Variants in HACE1 observed in about 807,000 individuals in gnomAD.
HACE1 encodes the protein HECT domain and ankyrin repeat containing E3 ubiquitin protein ligase 1.
In HACE1, 73 loss-of-function variants were observed where a neutral mutation model predicts 118.4. The ratio of observed to expected loss-of-function variants is 0.62; its 90% CI spans 0.51 to 0.75. HACE1 has a LOEUF of 0.75. Among genes scored for constraint, HACE1 ranks in the 30% least tolerant of loss-of-function variants. The pLI, the probability that HACE1 is intolerant of heterozygous loss-of-function variation, is 0.00. For synonymous variants in HACE1, 368 were observed against 374.8 expected, an observed-to-expected ratio of 0.98 and a Z score of 0.21; for missense variants, 749 against 1,102.2, an observed-to-expected ratio of 0.68 and a Z score of 4.54.
chr6:104,802,870 G>A (rs1770536620), intron 7 of HACE1, among the ~76,000 whole-genome samples: 1 of 152,132 alleles, frequency 6.6e-6, no homozygotes, highest in Non-Finnish European at 1.5e-5. Flanking sequence ...GATCAGAGCA[G>A]AACTGAAGGA....
In HACE1 at chr6:104,823,497, C is replaced by T. The variant is rs555642759; in HGVS notation, c.534+9545G>A. On this transcript the variant is annotated intron_variant, in intron 6 of 23. Coordinates refer to ENST00000262903, the MANE Select transcript of HACE1 (RefSeq NM_020771.4). ...TATTTTCCATTCATAAATCTTTCTA[C>T]TTTTCTATTTTTTTAAAAAAAACAG... 4.0e-4 allele frequency among the ~76,000 whole-genome samples: 51 copies of T among 126,014 alleles called. 1 individual carries two copies. The highest frequency in any genetic ancestry group is 1.3e-3 in the African/African-American group (51 of 39,624). 82.7% of individuals were successfully genotyped at this position (126,014 alleles called of 152,430 possible).
At chr6:104,803,068 A>G (rs982853831) in intron 7 of HACE1, among the ~76,000 whole-genome samples, 7 of 152,236 alleles carry the variant, frequency 4.6e-5, no homozygotes, top group African/African-American at 7.2e-5. Flanking sequence ...AACTACCATC[A>G]GAGAATACTA....
In HACE1 at chr6:104,751,895, TTC is replaced by T. The variant is rs1491032969; in HGVS notation, c.2212-1425_2212-1424del. Among the ~76,000 whole-genome samples the T allele has an allele frequency of 2.1e-4, 30 of 139,684 alleles. 1 individual carries two copies. Among genetic ancestry groups the T allele is most frequent in the African/African-American group, 5.4e-4 (19 of 35,306 alleles). 91.6% of individuals were successfully genotyped at this position (139,684 alleles called of 152,430 possible). On this transcript the variant is annotated intron_variant, in intron 19 of 23. Transcript: ENST00000262903. ...CTGTTTTAGCCCTCTTCCTTTATTT[TTC>T]TTTTTTTGGCACTAATCTGATGCTC...
At chr6:104,856,021 CA>C (rs1199692817) in intron 1 of HACE1, among the ~76,000 whole-genome samples, 1 of 152,210 alleles carries the variant, frequency 6.6e-6, no homozygotes, top group East Asian at 1.9e-4. Context: ...AATCTAACCA[CA>C]ACTGTGGTGC....
chr6:104,789,233 C>T (rs1021248629), intron 11 of HACE1, among the ~76,000 whole-genome samples: 1 of 151,980 alleles, frequency 6.6e-6, no homozygotes, highest in Non-Finnish European at 1.5e-5. Context: ...ATTCATAAAA[C>T]TGAATGAAAA....
In HACE1 at chr6:104,759,810, TAATA is replaced by T. The variant is rs1192500655; in HGVS notation, c.2212-9342_2212-9339del. Among the ~76,000 whole-genome samples the T allele has an allele frequency of 1.3e-4, 20 of 151,676 alleles. No homozygotes were observed. In the East Asian group the frequency reaches 3.9e-3, roughly 30 times the overall value. On this transcript the variant is annotated intron_variant, in intron 19 of 23. Coordinates refer to ENST00000262903, the MANE Select transcript of HACE1 (RefSeq NM_020771.4). ...AAAATAGATACACAGCTAGCAAGAC[TAATA>T]AAGATGAAAAGAGAGAAGAATAAAA...
At chr6:104,852,223 G>GTA (rs1334116729) in intron 2 of HACE1, 94 bp downstream of exon 2, 21 of 718,468 alleles carry the variant, frequency 2.9e-5, no homozygotes, top group South Asian at 2.4e-4. Flanking sequence ...GTGTGTGTGT[G>GTA]TGTGTGCGCG....
intron 4 of HACE1, chr6:104,845,904 A>T (rs1005933870): frequency 1.3e-5 from 2 of 152,230 alleles, no homozygotes; most frequent in African/African-American, 4.8e-5. Flanking sequence ...CATTAAAATA[A>T]ATACATTGTT....
At chr6:104,830,965 A>G (rs975748552) in intron 6 of HACE1, among the ~76,000 whole-genome samples, 29 of 151,404 alleles carry the variant, frequency 1.9e-4, no homozygotes, top group African/African-American at 5.6e-4. Flanking sequence ...ACAACCCACA[A>G]CTCCTGGGCA....
intron 1 of HACE1, among the ~76,000 whole-genome samples, chr6:104,857,663 A>C (rs1582810332): frequency 6.6e-6 from 1 of 152,008 alleles, no homozygotes; most frequent in African/African-American, 2.4e-5. Flanking sequence ...CAAAAAAAAA[A>C]AAACATTTGG....
At chr6:104,768,036 T>C (rs1780197566) in intron 19 of HACE1, among the ~76,000 whole-genome samples, 1 of 152,212 alleles carries the variant, frequency 6.6e-6, no homozygotes, top group Non-Finnish European at 1.5e-5. Flanking sequence ...CTAACTAATT[T>C]AAGAGTATTA....
intron 6 of HACE1, among the ~76,000 whole-genome samples, chr6:104,831,978 G>GGGAAGAGAAGAGA (rs1773988401): frequency 3.7e-5 from 2 of 53,774 alleles, no homozygotes; most frequent in Admixed American, 1.7e-4. Context: ...GAGAAGAGAA[G>GGGAAGAGAAGAGA]AGAGGAAGGA....
intron 11 of HACE1, among the ~76,000 whole-genome samples, chr6:104,791,096 T>G (rs1782973879): frequency 6.6e-6 from 1 of 152,176 alleles, no homozygotes; most frequent in African/African-American, 2.4e-5. Context: ...TGAAAACACA[T>G]ACAGACACAC....
intron 17 of HACE1, 88 bp downstream of exon 17, chr6:104,776,653 T>C: frequency 1.2e-6 from 1 of 835,552 alleles, no homozygotes; most frequent in Non-Finnish European, 2.1e-6. Flanking sequence ...CTCACAGGTC[T>C]GCTGTGGAAA....
chr6:104,814,604 A>G (rs1416874560), intron 6 of HACE1, among the ~76,000 whole-genome samples: 1 of 137,974 alleles, frequency 7.2e-6, no homozygotes, highest in Non-Finnish European at 1.6e-5. Flanking sequence ...TGGAGATCAA[A>G]CATGGGAGAG....
intron 19 of HACE1, among the ~76,000 whole-genome samples, chr6:104,752,812 T>C (rs1312120756): frequency 6.6e-6 from 1 of 152,196 alleles, no homozygotes; most frequent in Non-Finnish European, 1.5e-5. Flanking sequence ...ATTTATTATT[T>C]TCCACATGTA....
At position 104,767,540 on chromosome 6, in the gene HACE1, A is replaced by T. The variant is rs368987958; in HGVS notation, c.2211+3653T>A. Among the ~76,000 whole-genome samples the T allele has an allele frequency of 3.1e-3, 467 of 152,244 alleles. 3 individuals carry two copies. Among genetic ancestry groups the T allele is most frequent in the South Asian group, 0.019 (93 of 4,820 alleles). On this transcript the variant is annotated intron_variant, in intron 19 of 23. Coordinates refer to ENST00000262903, the MANE Select transcript of HACE1 (RefSeq NM_020771.4). ...TTTGGTTGTTTCTTTTTGTTTTCTT[A>T]ACTGAAATTTGATCATGTCATTTCC... is the stretch of plus-strand genomic sequence containing the variant.
rs574389984 is a variant in HACE1 at position 104,740,459 on chromosome 6, A to G, written c.2513+3701T>C. Among the ~76,000 whole-genome samples, 6 of 152,358 alleles carry G rather than the reference A, an allele frequency of 3.9e-5. No homozygotes were observed. In the East Asian group the frequency reaches 1.2e-3, roughly 29 times the overall value. ...GAGAGAAGAATCAAATAGATGCACT[A>G]AAAAATGATAAAGGGGATATCACCA... On this transcript the variant is annotated intron_variant, in intron 22 of 23. Transcript: ENST00000262903.
chr6:104,842,388 G>A (rs953630547), intron 5 of HACE1: 3 of 151,976 alleles, frequency 2.0e-5, no homozygotes, highest in Non-Finnish European at 4.4e-5. Context: ...TGGATCACCT[G>A]AGGTCAGGAG....
Sources: gnomAD v4.1 joint callset for allele counts (sites outside exome capture counted in the v4.1 genomes callset) on GRCh38, gnomAD v4.1.1 for gene constraint, MANE v1.5 for transcripts, NCBI Gene and HGNC (gene_info 2026-07-23, HGNC 2026-07-21) for gene names.